The following TASP1 variants were observed in gnomAD, a reference collection of about 807,000 sequenced individuals.
TASP1 encodes threonine aspartase 1.
Under a neutral mutation model 56.6 loss-of-function variants are expected in TASP1, and 16 were observed. That is an observed-to-expected ratio of 0.28 (90% confidence interval 0.19 to 0.43). TASP1 has a LOEUF of 0.43. Ranked by LOEUF, TASP1 falls within the 20% of genes least tolerant of loss-of-function variation. The pLI is 1.00. For synonymous variants in TASP1, 179 were observed against 184.2 expected (o/e 0.97, Z 0.23); for missense variants, 393 against 511.6 (o/e 0.77, Z 2.24).
At chr20:13,362,678 G>T in the TASP1 span, among the ~76,000 whole-genome samples, 1 of 151,612 alleles carries the variant, frequency 6.6e-6, no homozygotes, top group East Asian at 1.9e-4. Context: ...CTCTTCACAT[G>T]GACGCGCATG....
At chr20:13,160,157 A>G in the TASP1 span, 1 of 1,606,242 alleles carries the variant, frequency 6.2e-7, no homozygotes, top group African/African-American at 1.3e-5. Context: ...GGCCAACGGG[A>G]TCTCAGTACC....
the TASP1 span, among the ~76,000 whole-genome samples, chr20:13,208,174 A>G: frequency 2.6e-5 from 4 of 152,208 alleles, no homozygotes; most frequent in Admixed American, 6.5e-5. Flanking sequence ...ATGCCATAAG[A>G]CGACACTAGT....
chr20:13,591,356 C>T (rs192107018), intron 4 of TASP1, among the ~76,000 whole-genome samples: 3 of 152,152 alleles, frequency 2.0e-5, no homozygotes, highest in African/African-American at 7.2e-5. Context: ...AGCAAAAAGA[C>T]ACATGTGAAA....
the TASP1 span, chr20:13,270,374 T>G: frequency 1.3e-5 from 13 of 1,026,850 alleles, no homozygotes; most frequent in African/African-American, 2.1e-4. Context: ...CAAAACAAGT[T>G]TGGAATGCCC....
chr20:13,208,922 G>C, the TASP1 span, among the ~76,000 whole-genome samples: 1 of 152,210 alleles, frequency 6.6e-6, no homozygotes, highest in African/African-American at 2.4e-5. Flanking sequence ...TTTTGGGGTT[G>C]TTATGCATCG....
the TASP1 span, among the ~76,000 whole-genome samples, chr20:13,261,536 A>G: frequency 2.7e-4 from 41 of 152,298 alleles, no homozygotes; most frequent in Admixed American, 2.0e-3. Flanking sequence ...CCAGTCTACC[A>G]TAAGTGCAGA....
At chr20:13,378,238 G>C in the TASP1 span, among the ~76,000 whole-genome samples, 1 of 152,104 alleles carries the variant, frequency 6.6e-6, no homozygotes. Context: ...TCTTAACACT[G>C]CTTTAACTGT....
the TASP1 span, among the ~76,000 whole-genome samples, chr20:13,152,660 C>G: frequency 1.3e-5 from 2 of 152,184 alleles, no homozygotes; most frequent in Admixed American, 6.5e-5. Flanking sequence ...TGTGCTCCAT[C>G]ATCAAACCAA....
chr20:13,583,931 T>G (rs1307736050), intron 5 of TASP1, among the ~76,000 whole-genome samples: 3 of 151,970 alleles, frequency 2.0e-5, no homozygotes, highest in African/African-American at 7.3e-5. Context: ...ATATAAAAAT[T>G]AGCCAGGCGT....
At chr20:13,244,704 C>A in the TASP1 span, among the ~76,000 whole-genome samples, 1 of 152,202 alleles carries the variant, frequency 6.6e-6, no homozygotes, top group Non-Finnish European at 1.5e-5. Context: ...GTTTTGACCA[C>A]ATTTTCTATT....
At chr20:13,162,835 A>G in the TASP1 span, among the ~76,000 whole-genome samples, 2 of 152,110 alleles carry the variant, frequency 1.3e-5, no homozygotes, top group Admixed American at 6.6e-5. Flanking sequence ...CACAAGCTCA[A>G]ATGCAGTGAG....
At chr20:13,279,865 C>A in the TASP1 span, 1 of 1,613,932 alleles carries the variant, frequency 6.2e-7, no homozygotes, top group Non-Finnish European at 8.5e-7. Flanking sequence ...CCCAGGCCAC[C>A]GGACTTTTGA....
rs573579018 is a variant in TASP1, at chr20:13,419,953, G to C, written c.1097-2432C>G. Among the ~76,000 whole-genome samples, 4 of 152,324 alleles carry C rather than the reference G, an allele frequency of 2.6e-5. No individual in the cohort carries two copies. The South Asian group carries it at 8.3e-4, about 32-fold the overall frequency. ...CAAAAATCTTGACATCCAGAGCAAGGTCTGGGATAGTCTAACTTGCCTAAC... is the reference window on the plus strand; with the variant it reads ...CAAAAATCTTGACATCCAGAGCAAGCTCTGGGATAGTCTAACTTGCCTAAC... On this transcript the variant is annotated intron_variant, in intron 12 of 13. Transcript: ENST00000337743.
the TASP1 span, among the ~76,000 whole-genome samples, chr20:13,124,343 A>AAGGAAGGG: frequency 6.6e-6 from 1 of 151,792 alleles, no homozygotes; most frequent in African/African-American, 2.4e-5. Flanking sequence ...GGAAAGAAGG[A>AAGGAAGGG]AGGAAGGGAG....
the TASP1 span, among the ~76,000 whole-genome samples, chr20:13,192,648 C>G: frequency 6.6e-6 from 1 of 152,076 alleles, no homozygotes. Flanking sequence ...ATTCACTCAC[C>G]TCACCCTCCC....
the TASP1 span, among the ~76,000 whole-genome samples, chr20:13,268,082 G>C: frequency 7.0e-6 from 1 of 142,970 alleles, no homozygotes; most frequent in Non-Finnish European, 1.5e-5. Flanking sequence ...ATCTTATGTT[G>C]AGAAAAGATA....
At chr20:13,580,629 AC>A (rs2047085789) in intron 6 of TASP1, among the ~76,000 whole-genome samples, 1 of 152,214 alleles carries the variant, frequency 6.6e-6, no homozygotes, top group South Asian at 2.1e-4. Context: ...ATTAAAAATT[AC>A]TTTAGACTCT....
At chr20:13,535,962 C>T (rs2045401418) in intron 8 of TASP1, among the ~76,000 whole-genome samples, 2 of 152,194 alleles carry the variant, frequency 1.3e-5, no homozygotes, top group Admixed American at 1.3e-4. Flanking sequence ...GCATTAAAAA[C>T]ATTTTATTCC....
the TASP1 span, among the ~76,000 whole-genome samples, chr20:13,184,856 A>G: frequency 1.3e-5 from 2 of 152,186 alleles, no homozygotes; most frequent in African/African-American, 4.8e-5. Flanking sequence ...GGTCAGCTGA[A>G]CCTAAGCTGA....
Sources: allele counts gnomAD v4.1 joint callset (sites outside exome capture counted in the v4.1 genomes callset), GRCh38; gene constraint gnomAD v4.1.1; transcripts MANE v1.5; gene names NCBI Gene and HGNC (gene_info 2026-07-23, HGNC 2026-07-21).